PLA2G5: variants seen among roughly 807,000 people sequenced by gnomAD.
The protein encoded by PLA2G5 is phospholipase A2 group V, also known as Ca2+-dependent phospholipase A2.
Under a neutral mutation model 15.9 loss-of-function variants are expected in PLA2G5, and 12 were observed. The ratio of observed to expected loss-of-function variants is 0.76; its 90% CI spans 0.48 to 1.23. The LOEUF is 1.23. Among genes scored for constraint, PLA2G5 ranks in the 50% most tolerant of loss-of-function variants. The pLI is 0.00. For synonymous variants in PLA2G5, 71 were observed against 71.4 expected, an observed-to-expected ratio of 0.99 and a Z score of 0.03; for missense variants, 169 against 177.1, an observed-to-expected ratio of 0.95 and a Z score of 0.26.
chr1:20,048,964 A>G (rs553700230), intron 1 of PLA2G5, among the ~76,000 whole-genome samples: 1 of 152,336 alleles, frequency 6.6e-6, no homozygotes, highest in East Asian at 1.9e-4. Context: ...TTTCTAAAAA[A>G]GTTGTGTTCT....
intron 1 of PLA2G5, among the ~76,000 whole-genome samples, chr1:20,041,603 T>C (rs556970108): frequency 6.6e-6 from 1 of 152,256 alleles, no homozygotes; most frequent in South Asian, 2.1e-4. Flanking sequence ...AGTGATTTCC[T>C]TGAGGATAGA....
At chr1:20,043,680 G>T (rs772271686) in intron 1 of PLA2G5, among the ~76,000 whole-genome samples, 3 of 152,090 alleles carry the variant, frequency 2.0e-5, no homozygotes, top group Non-Finnish European at 4.4e-5. Context: ...GGGCAGGTAG[G>T]GATAACTAAA....
At chr1:20,056,435 A>T (rs1438863491) in intron 1 of PLA2G5, among the ~76,000 whole-genome samples, 2 of 152,052 alleles carry the variant, frequency 1.3e-5, no homozygotes, top group Non-Finnish European at 2.9e-5. Context: ...TAAATGCTGG[A>T]CTTTGTAAAA....
chr1:20,048,572 T>C (rs1185773863), intron 1 of PLA2G5, among the ~76,000 whole-genome samples: 1 of 152,222 alleles, frequency 6.6e-6, no homozygotes, highest in Non-Finnish European at 1.5e-5. Flanking sequence ...TAAGGTTTGT[T>C]TTGGGAAAGG....
intron 1 of PLA2G5, among the ~76,000 whole-genome samples, chr1:20,040,797 T>TGCTC (rs1218738365): frequency 6.6e-6 from 1 of 152,244 alleles, no homozygotes; most frequent in Non-Finnish European, 1.5e-5. Context: ...GTCACCCATC[T>TGCTC]GCTCACTGAG....
intron 1 of PLA2G5, among the ~76,000 whole-genome samples, chr1:20,071,529 T>G (rs2015376962): frequency 6.6e-6 from 1 of 152,128 alleles, no homozygotes; most frequent in African/African-American, 2.4e-5. Context: ...CAACACAATG[T>G]GATTGGTGCT....
intron 1 of PLA2G5, among the ~76,000 whole-genome samples, chr1:20,052,136 T>G (rs1246014937): frequency 7.3e-6 from 1 of 136,304 alleles, no homozygotes; most frequent in Non-Finnish European, 1.5e-5. Context: ...ATCGCGCCAC[T>G]GCACTCCAGC....
rs12040138 is a variant in PLA2G5 at position 20,034,052 on chromosome 1, T to C, written n.276+5343T>C. 0.021 allele frequency among the ~76,000 whole-genome samples: 3,155 copies of C among 152,230 alleles called. 252 individuals carry two copies. The East Asian group carries it at 0.25, about 12-fold the overall frequency. ...TAGAACAATCCCAAGGTAAGTGACC[T>C]GGGTTTGGGCTACCTGAGCCTTTGT... is the stretch of plus-strand genomic sequence containing the variant. On this transcript the variant is annotated intron_variant and non_coding_transcript_variant, in intron 1 of 6. Coordinates refer to the PLA2G5 transcript ENST00000460175.
intron 1 of PLA2G5, among the ~76,000 whole-genome samples, chr1:20,032,647 G>A (rs1043880506): frequency 2.6e-5 from 4 of 152,250 alleles, no homozygotes; most frequent in African/African-American, 9.6e-5. Flanking sequence ...GCGGTAACCA[G>A]TATGAAAATG....
chr1:20,074,244 G>A (rs754353720), intron 1 of PLA2G5, among the ~76,000 whole-genome samples: 7 of 152,106 alleles, frequency 4.6e-5, no homozygotes, highest in African/African-American at 1.7e-4. Context: ...CAGAGCCTGC[G>A]GGCATCCTGG....
rs1557742611 is a variant in PLA2G5, at chr1:20,070,292, AGC to A, written c.-183_-182del. 1 of 985,302 alleles carries A rather than the reference AGC, an allele frequency of 1.0e-6. No homozygotes were observed. The highest frequency in any genetic ancestry group is 1.7e-5 in the African/African-American group (1 of 57,218). 61.0% of individuals were successfully genotyped at this position (985,302 alleles called of 1,614,324 possible). On this transcript the variant is annotated 5_prime_UTR_variant, in exon 1 of 5. Coordinates refer to ENST00000375108, the MANE Select transcript of PLA2G5 (RefSeq NM_000929.3). Reference sequence around the variant, plus strand: ...CTCATCATCGGTCACTCCCATTCACAGCTTTAAGATTCTGGAGGCCAAGAATT... The same window carrying A: ...CTCATCATCGGTCACTCCCATTCACATTTAAGATTCTGGAGGCCAAGAATT...
chr1:20,051,592 G>A (rs2014179556), intron 1 of PLA2G5, among the ~76,000 whole-genome samples: 1 of 152,164 alleles, frequency 6.6e-6, no homozygotes, highest in Admixed American at 6.5e-5. Flanking sequence ...CTATTTGTGG[G>A]TATTCATAAC....
chr1:20,039,024 C>T (rs1193907888), intron 1 of PLA2G5, among the ~76,000 whole-genome samples: 2 of 152,140 alleles, frequency 1.3e-5, no homozygotes, highest in African/African-American at 4.8e-5. Flanking sequence ...CTTGGAGAGG[C>T]TGTGGGACTG....
intron 1 of PLA2G5, among the ~76,000 whole-genome samples, chr1:20,045,234 C>A (rs1018465720): frequency 6.6e-6 from 1 of 152,010 alleles, no homozygotes; most frequent in Non-Finnish European, 1.5e-5. Context: ...TGGAAAGTTG[C>A]CCATAGTGAA....
chr1:20,062,611 T>C (rs1433038766), intron 2 of PLA2G5, among the ~76,000 whole-genome samples: 3 of 152,072 alleles, frequency 2.0e-5, no homozygotes, highest in African/African-American at 4.8e-5. Flanking sequence ...CTGGGCAACA[T>C]AGGGAAACCT....
chr1:20,029,532 A>G (rs1328397453), intron 1 of PLA2G5, among the ~76,000 whole-genome samples: 1 of 152,128 alleles, frequency 6.6e-6, no homozygotes, highest in Non-Finnish European at 1.5e-5. Flanking sequence ...AGATGGGGGC[A>G]TGGCAGGCGA....
At chr1:20,029,924 A>G (rs545752124) in intron 1 of PLA2G5, among the ~76,000 whole-genome samples, 6 of 152,370 alleles carry the variant, frequency 3.9e-5, no homozygotes, top group Non-Finnish European at 5.9e-5. Context: ...AGGGGTGGGC[A>G]GACAAAAGTT....
intron 1 of PLA2G5, among the ~76,000 whole-genome samples, chr1:20,041,188 A>G (rs1371682150): frequency 6.6e-6 from 1 of 152,202 alleles, no homozygotes; most frequent in Non-Finnish European, 1.5e-5. Context: ...TCTTTGACGA[A>G]TCTCCTATAG....
At chr1:20,054,195 A>C (rs1033885739) in intron 1 of PLA2G5, among the ~76,000 whole-genome samples, 8 of 152,238 alleles carry the variant, frequency 5.3e-5, no homozygotes, top group African/African-American at 1.9e-4. Flanking sequence ...CAATCCGCTA[A>C]GGCAGAGTCT....
Sources: allele counts gnomAD v4.1 joint callset (sites outside exome capture counted in the v4.1 genomes callset), GRCh38; gene constraint gnomAD v4.1.1; transcripts MANE v1.5; gene names NCBI Gene and HGNC (gene_info 2026-07-23, HGNC 2026-07-21).